The following PANK1 variants were observed in gnomAD, a reference collection of about 807,000 sequenced individuals.
PANK1 encodes pantothenic acid kinase 1.
In PANK1, 18 loss-of-function variants were observed where a neutral mutation model predicts 40.1. The ratio of observed to expected loss-of-function variants is 0.45; its 90% confidence interval spans 0.31 to 0.67. The LOEUF (loss-of-function observed/expected upper bound fraction) is 0.67. PANK1 is among the 30% of genes least tolerant of loss of function. The pLI is 0.06. For synonymous variants in PANK1, 242 were observed against 237.7 expected, an observed-to-expected ratio of 1.02 and a Z score of -0.17; for missense variants, 457 against 599.6, an observed-to-expected ratio of 0.76 and a Z score of 2.48.
At chr10:89,585,712 G>A (rs1844178602) in intron 6 of PANK1, among the ~76,000 whole-genome samples, 1 of 152,128 alleles carries the variant, frequency 6.6e-6, no homozygotes, top group Non-Finnish European at 1.5e-5. Flanking sequence ...TTAACTACCT[G>A]GCTAGATGAC....
chr10:89,628,349 A>G (rs1841533033), intron 1 of PANK1, among the ~76,000 whole-genome samples: 1 of 152,242 alleles, frequency 6.6e-6, no homozygotes, highest in South Asian at 2.1e-4. Context: ...TCTGGCCACA[A>G]AAAAGGACAA....
intron 1 of PANK1, among the ~76,000 whole-genome samples, chr10:89,641,236 T>C (rs1047191231): frequency 2.6e-5 from 4 of 152,234 alleles, no homozygotes; most frequent in African/African-American, 9.6e-5. Context: ...CAGAAAATTT[T>C]CCTTATTTAT....
chr10:89,597,105 T>C (rs1319966319), intron 3 of PANK1, among the ~76,000 whole-genome samples: 1 of 152,166 alleles, frequency 6.6e-6, no homozygotes, highest in African/African-American at 2.4e-5. Flanking sequence ...AAATCAGGTA[T>C]AATACAATAA....
At chr10:89,581,823 A>G (rs1417443479), downstream of PANK1, 2 of 152,196 alleles carry the variant, frequency 1.3e-5, no homozygotes, top group Non-Finnish European at 2.9e-5. Context: ...ACATGTGAGA[A>G]ATAATGCTCA....
intron 2 of PANK1, among the ~76,000 whole-genome samples, chr10:89,609,169 G>A (rs34369661): frequency 0.32 from 47,907 of 152,036 alleles, 7,686 homozygotes; most frequent in Non-Finnish European, 0.35. Context: ...GGTTCAAGAG[G>A]TTCTCGTGCC....
chr10:89,588,761 A>C lies in PANK1; in HGVS notation c.1217T>G (p.Val406Gly). The C allele has an allele frequency of 1.3e-6, 2 of 1,596,904 alleles. No homozygotes were observed. The highest frequency in any genetic ancestry group is 8.5e-7 in the Non-Finnish European group (1 of 1,172,672). ...CALNENIDRV[V>G]FVGNFLRINM... Reference sequence around the variant, plus strand: ...GATTCTGAGAAAATTTCCAACAAACACAACTCTGTCTATGTTCTGGAAAAA... The same window carrying C: ...GATTCTGAGAAAATTTCCAACAAACCCAACTCTGTCTATGTTCTGGAAAAA... Residue 406 changes from valine to glycine, a missense_variant, in exon 6 of 7, where the codon GTG becomes GGG. By Grantham distance (109) the Val-to-Gly change is moderately radical. Coordinates refer to ENST00000307534, the MANE Select transcript of PANK1 (RefSeq NM_148977.3).
At chr10:89,626,788 C>A (rs1051405213) in intron 1 of PANK1, among the ~76,000 whole-genome samples, 3 of 152,118 alleles carry the variant, frequency 2.0e-5, no homozygotes, top group African/African-American at 7.2e-5. Flanking sequence ...CCTTCTAATG[C>A]CCGGCACTAA....
At chr10:89,595,887 A>AATATATATATATACACACAC (rs531580439) in intron 3 of PANK1, among the ~76,000 whole-genome samples, 1 of 118,744 alleles carries the variant, frequency 8.4e-6, no homozygotes, top group Non-Finnish European at 1.7e-5. Context: ...TTCATTTACT[A>AATATATATATATACACACAC]ATATATATAT....
chr10:89,628,568 G>A (rs992236959), intron 1 of PANK1, among the ~76,000 whole-genome samples: 2 of 151,732 alleles, frequency 1.3e-5, no homozygotes, highest in African/African-American at 4.8e-5. Context: ...TTCTGGGAGG[G>A]GATAAAATAT....
Position 89,644,919 on chromosome 10 carries a change from G to A in PANK1, c.-28C>T, listed in dbSNP as rs1564643281. 1.9e-6 allele frequency: 3 copies of A among 1,544,472 alleles called. No homozygotes were observed. The South Asian group carries it at 3.6e-5, about 19-fold the overall frequency. On this transcript the variant is annotated 5_prime_UTR_variant, in exon 1 of 7. Coordinates refer to ENST00000307534, the MANE Select transcript of PANK1 (RefSeq NM_148977.3). ...CGGGGGCTGGCGGGGCTGTGCGCGG[G>A]CCCCGGCTCAGGCGGCCTCGCTGGA...
At chr10:89,638,049 T>A (rs1841872810) in intron 1 of PANK1, among the ~76,000 whole-genome samples, 1 of 152,178 alleles carries the variant, frequency 6.6e-6, no homozygotes, top group African/African-American at 2.4e-5. Flanking sequence ...CCACATCTTG[T>A]CCCACTAGAA....
intron 2 of PANK1, among the ~76,000 whole-genome samples, chr10:89,601,103 G>A (rs1455932955): frequency 1.3e-5 from 2 of 151,882 alleles, no homozygotes; most frequent in African/African-American, 2.4e-5. Context: ...TACTGCTTCT[G>A]GAGTCTGGAA....
chr10:89,604,318 TG>T (rs141623932), intron 2 of PANK1, among the ~76,000 whole-genome samples: 14,557 of 152,282 alleles, frequency 0.096, 752 homozygotes, highest in Admixed American at 0.12. Flanking sequence ...TGTTGCAGGT[TG>T]ATTTCCAGAC....
At chr10:89,633,135 G>GTGTA (rs1554842733) in intron 1 of PANK1, among the ~76,000 whole-genome samples, 1 of 150,552 alleles carries the variant, frequency 6.6e-6, no homozygotes, top group Non-Finnish European at 1.5e-5. Context: ...TTTCCACGGT[G>GTGTA]TATATATATA....
intron 2 of PANK1, among the ~76,000 whole-genome samples, chr10:89,602,381 T>A (rs1236797495): frequency 6.6e-6 from 1 of 152,168 alleles, no homozygotes; most frequent in East Asian, 1.9e-4. Context: ...AGGTCATGCA[T>A]CCCCAGACAG....
At chr10:89,587,549 C>T (rs1844232020) in intron 6 of PANK1, among the ~76,000 whole-genome samples, 1 of 151,236 alleles carries the variant, frequency 6.6e-6, no homozygotes, top group South Asian at 2.1e-4. Context: ...TCATAAGTAT[C>T]TTTATCTTCT....
downstream of PANK1, chr10:89,580,628 C>G (rs540783529): frequency 2.5e-4 from 38 of 152,374 alleles, no homozygotes; most frequent in African/African-American, 8.2e-4. Flanking sequence ...TAAGACTTCA[C>G]AAAACCTTCT....
intron 5 of PANK1, among the ~76,000 whole-genome samples, chr10:89,589,679 A>C (rs1844313857): frequency 6.6e-6 from 1 of 152,114 alleles, no homozygotes; most frequent in Non-Finnish European, 1.5e-5. Flanking sequence ...TAACTGCCTC[A>C]AGTTTTAACA....
rs1328367060 is a variant in PANK1 at position 89,595,826 on chromosome 10, AAAAAAAAATATAT to A, written c.900-1850_900-1838del. Among the ~76,000 whole-genome samples the A allele has an allele frequency of 1.3e-4, 10 of 77,006 alleles. No homozygotes were observed. The East Asian group carries it at 3.4e-3, about 27-fold the overall frequency. The allele number at this position is 77,006 out of a possible 152,430, so 50.5% of individuals were successfully genotyped here. A position where few individuals can be genotyped will look rare whatever the true frequency, so the allele number is the denominator to read the frequency against. ...AGCCGGACTCCATCTTAAAAAAAAA[AAAAAAAAATATAT>A]ATATATATATATATATATATATATA... On this transcript the variant is annotated intron_variant, in intron 3 of 6. Transcript: ENST00000307534.
Sources: gnomAD v4.1 joint callset for allele counts (sites outside exome capture counted in the v4.1 genomes callset) on GRCh38, gnomAD v4.1.1 for gene constraint, MANE v1.5 for transcripts, NCBI Gene and HGNC (gene_info 2026-07-23, HGNC 2026-07-21) for gene names.